ATP2C2: variants seen among roughly 807,000 people sequenced by gnomAD.
The protein encoded by ATP2C2 is calcium-transporting ATPase type 2C member 2.
A neutral mutation model predicts 110.8 loss-of-function variants in ATP2C2; 171 were observed. The observed-to-expected ratio is 1.54, with a 90% CI of 1.36 to 1.75. The LOEUF (loss-of-function observed/expected upper bound fraction) is 1.75, where lower values mean the gene tolerates loss of function less well. Among genes scored for constraint, ATP2C2 ranks in the 40% most tolerant of loss-of-function variants. The pLI is 0.00. For synonymous variants in ATP2C2, 804 were observed against 508.4 expected (o/e 1.58, Z -7.82); for missense variants, 1,963 against 1,235.0 (o/e 1.59, Z -8.84).
intron 23 of ATP2C2, 172 bp downstream of exon 23, chr16:84,459,558 G>A (rs1429635609): frequency 2.6e-6 from 4 of 1,537,592 alleles, no homozygotes; most frequent in East Asian, 2.4e-5. Context: ...GGGAGTAGAA[G>A]GCAGAGGAGA....
chr16:84,413,667 G>T (rs1388854387), intron 6 of ATP2C2, among the ~76,000 whole-genome samples: 1 of 152,196 alleles, frequency 6.6e-6, no homozygotes, highest in Non-Finnish European at 1.5e-5. Flanking sequence ...CTAAAAGACG[G>T]TTTTATGTAC....
rs200011337 is a variant in ATP2C2 at position 84,463,768 on chromosome 16, C to G, written c.*36C>G. ...TCCGCGGCACCTTCCCTAATCATCT[C>G]GATCTGGTTGTGACTGTGGCCCCTG... On this transcript the variant is annotated 3_prime_UTR_variant, in exon 27 of 27. Transcript: ENST00000262429. 7 of 1,552,044 alleles carry G rather than the reference C, an allele frequency of 4.5e-6. No individual in the cohort carries two copies. The African/African-American group carries it at 6.8e-5, about 15-fold the overall frequency.
chr16:84,406,144 C>T (rs1254427875), intron 3 of ATP2C2, among the ~76,000 whole-genome samples: 2 of 152,336 alleles, frequency 1.3e-5, no homozygotes, highest in East Asian at 3.9e-4. Context: ...CACCCAGAGC[C>T]CCTTCCCTTG....
chr16:84,449,523 C>G (rs188472079), intron 17 of ATP2C2, among the ~76,000 whole-genome samples: 5 of 152,164 alleles, frequency 3.3e-5, no homozygotes, highest in South Asian at 2.1e-4. Flanking sequence ...GCAGTGACTT[C>G]ATTGATTGCT....
Position 84,439,154 on chromosome 16 carries a change from C to T in ATP2C2, c.987-12C>T. Reference sequence around the variant, plus strand: ...ATGTGTTAGAGGGGACTCATTTGACCTTTCGATCCAGCCTGGCTGTGGCGG... The same window carrying T: ...ATGTGTTAGAGGGGACTCATTTGACTTTTCGATCCAGCCTGGCTGTGGCGG... On this transcript the variant is annotated splice_polypyrimidine_tract_variant and intron_variant, in intron 11 of 26. Coordinates refer to ENST00000262429, the MANE Select transcript of ATP2C2 (RefSeq NM_014861.4). The T allele has an allele frequency of 6.2e-7, 1 of 1,612,070 alleles. No homozygotes were observed. The highest frequency in any genetic ancestry group is 2.2e-5 in the East Asian group (1 of 44,876).
At chr16:84,411,878 G>C (rs1016124177) in intron 6 of ATP2C2, among the ~76,000 whole-genome samples, 5 of 152,130 alleles carry the variant, frequency 3.3e-5, no homozygotes, top group Admixed American at 2.0e-4. Flanking sequence ...ATTGGTGGAG[G>C]AAGCTGACAG....
At chr16:84,436,295 T>C (rs1908730269) in intron 11 of ATP2C2, among the ~76,000 whole-genome samples, 1 of 152,262 alleles carries the variant, frequency 6.6e-6, no homozygotes, top group South Asian at 2.1e-4. Context: ...GGCAGCACTG[T>C]GCATTGCTGT....
chr16:84,406,180 C>A (rs556835104), intron 3 of ATP2C2, among the ~76,000 whole-genome samples: 1 of 152,118 alleles, frequency 6.6e-6, no homozygotes, highest in Admixed American at 6.5e-5. Flanking sequence ...GGTGCTGGCG[C>A]GGTGCTGAAT....
Position 84,460,644 on chromosome 16 carries a change from T to C in ATP2C2, c.2334-10T>C, listed in dbSNP as rs752580296. The stretch of plus-strand genomic sequence containing the variant: ...TTCATTTCAAAGTGTCTGTGTCTTG[T>C]TCGGAGCAGCTTGGGGGTAGAGCCC... On this transcript the variant is annotated splice_polypyrimidine_tract_variant and intron_variant, in intron 23 of 26. Coordinates refer to ENST00000262429, the MANE Select transcript of ATP2C2 (RefSeq NM_014861.4). 13 of 1,614,058 alleles carry C rather than the reference T, an allele frequency of 8.1e-6. No individual in the cohort carries two copies. Among genetic ancestry groups the C allele is most frequent in the Non-Finnish European group, 1.1e-5 (13 of 1,180,032 alleles).
chr16:84,448,595 G>A lies in ATP2C2; in HGVS notation c.1566G>A (p.Met522Ile). The change falls in exon 17 of 27, where the codon ATG becomes ATA. Residue 522 changes from methionine (M) to isoleucine (I), a missense_variant. Coordinates refer to ENST00000262429, the MANE Select transcript of ATP2C2 (RefSeq NM_014861.4). The stretch of plus-strand genomic sequence containing the variant: ...AAGAGGTGATCCGCTACTGCACCAT[G>A]TACAACAACGGGGGCATCCCCCTGC... The part of the protein sequence containing the change: ...ALEEVIRYCT[M>I]YNNGGIPLPL... 4 of 1,614,074 alleles carry A rather than the reference G, an allele frequency of 2.5e-6. No individual in the cohort carries two copies. The highest frequency in any genetic ancestry group is 2.2e-5 in the East Asian group (1 of 44,880).
chr16:84,434,043 A>T (rs1464226554), intron 11 of ATP2C2, among the ~76,000 whole-genome samples: 1 of 152,186 alleles, frequency 6.6e-6, no homozygotes, highest in African/African-American at 2.4e-5. Flanking sequence ...GAAGGTGGAG[A>T]TGGCAGCTTA....
At chr16:84,431,930 C>T (rs566586665) in intron 11 of ATP2C2, among the ~76,000 whole-genome samples, 2 of 152,084 alleles carry the variant, frequency 1.3e-5, no homozygotes, top group African/African-American at 2.4e-5. Context: ...AGCAGGACGC[C>T]GAGCTGTGCT....
chr16:84,429,256 A>G (rs1362902683), intron 11 of ATP2C2, among the ~76,000 whole-genome samples: 4 of 152,092 alleles, frequency 2.6e-5, no homozygotes, highest in Non-Finnish European at 5.9e-5. Context: ...GGTTCATGCA[A>G]TTCTCCTGCC....
chr16:84,390,048 C>G (rs1904558721), intron 1 of ATP2C2, among the ~76,000 whole-genome samples: 1 of 152,126 alleles, frequency 6.6e-6, no homozygotes, highest in East Asian at 1.9e-4. Context: ...CCACGGCAGC[C>G]CTGTGGACCC....
intron 17 of ATP2C2, 73 bp downstream of exon 17, chr16:84,448,762 G>A: frequency 6.5e-7 from 1 of 1,532,512 alleles, no homozygotes. Flanking sequence ...ATTCAAGCAG[G>A]GTCCCTAGTC....
rs1186401434 is a variant in ATP2C2 at position 84,448,672 on chromosome 16, G to C, written c.1643G>C (p.Gly548Ala). The C allele has an allele frequency of 1.9e-6, 3 of 1,613,100 alleles. No homozygotes were observed. Among genetic ancestry groups the C allele is most frequent in the Non-Finnish European group, 2.5e-6 (3 of 1,179,538 alleles). Residue 548 changes from glycine to alanine, a missense_variant, in exon 17 of 27, where the codon GGG (glycine) becomes GCG (alanine). Physicochemically the swap from Gly to Ala is moderately conservative, Grantham distance 60. Coordinates refer to ENST00000262429, the MANE Select transcript of ATP2C2 (RefSeq NM_014861.4). ...TGCCTGCAGGAAGAGAAGAGGATGG[G>C]GTCGCTCGGTTTGCGGGGTCAGTGC... is the stretch of plus-strand genomic sequence containing the variant. ...SFCLQEEKRM[G>A]SLGLRVLALA...
chr16:84,383,786 G>GTTTTTTT, intron 1 of ATP2C2, among the ~76,000 whole-genome samples: 1 of 85,648 alleles, frequency 1.2e-5, no homozygotes, highest in Non-Finnish European at 2.6e-5. Flanking sequence ...TGGTTTTGTT[G>GTTTTTTT]GTTTTTTTTT....
At chr16:84,399,128 TTGCACACAAGTGTGTGTGTG>T (rs1256679950) in intron 2 of ATP2C2, among the ~76,000 whole-genome samples, 29 of 152,226 alleles carry the variant, frequency 1.9e-4, no homozygotes, top group African/African-American at 6.8e-4. Context: ...AACATTTGCA[TTGCACACAAGTGTGTGTGTG>T]TGCACACGTG....
chr16:84,405,645 C>T (rs917113608), intron 3 of ATP2C2, among the ~76,000 whole-genome samples: 11 of 152,260 alleles, frequency 7.2e-5, no homozygotes, highest in Non-Finnish European at 8.8e-5. Flanking sequence ...TCAGGCTGGG[C>T]GTGGTGGCTC....
Sources: allele counts gnomAD v4.1 joint callset (sites outside exome capture counted in the v4.1 genomes callset), GRCh38; gene constraint gnomAD v4.1.1; transcripts MANE v1.5; gene names NCBI Gene and HGNC (gene_info 2026-07-23, HGNC 2026-07-21).